Variants in RNF17 observed in about 807,000 individuals in gnomAD.
RNF17 encodes spermatogenesis associated 23.
RNF17 carries 31 observed loss-of-function variants against 200.5 expected under a neutral mutation model. That is an observed-to-expected ratio of 0.15 (90% CI 0.12 to 0.21). RNF17 has a LOEUF of 0.21. Among genes scored for constraint, RNF17 ranks in the 10% least tolerant of loss-of-function variants. The pLI is 1.00. For synonymous variants in RNF17, 606 were observed against 637.8 expected (o/e 0.95, Z 0.75); for missense variants, 1,628 against 1,905.1 (o/e 0.85, Z 2.71).
chr13:24,779,535 CT>C, intron 4 of RNF17, 131 bp from the exon 5 acceptor site: 1 of 567,478 alleles, frequency 1.8e-6, no homozygotes, highest in Non-Finnish European at 3.1e-6. Flanking sequence ...CTTGTTTTCA[CT>C]TTTCTGTAGT....
intron 15 of RNF17, among the ~76,000 whole-genome samples, chr13:24,823,150 T>A (rs944692279): frequency 3.3e-5 from 5 of 152,220 alleles, no homozygotes; most frequent in African/African-American, 1.2e-4. Context: ...GTCAGCTCCC[T>A]GCAACCTCCA....
At chr13:24,860,985 C>T in intron 26 of RNF17, among the ~76,000 whole-genome samples, 1 of 151,924 alleles carries the variant, frequency 6.6e-6, no homozygotes, top group Admixed American at 6.6e-5. Flanking sequence ...TTAGGCAGTC[C>T]TCCCACCTCA....
At chr13:24,768,956 G>A (rs1274157769) in intron 2 of RNF17, among the ~76,000 whole-genome samples, 1 of 149,836 alleles carries the variant, frequency 6.7e-6, no homozygotes, top group African/African-American at 2.5e-5. Flanking sequence ...CATATTAGTA[G>A]CTGCCTATTT....
chr13:24,881,291 C>A (rs1953807741), downstream of RNF17, among the ~76,000 whole-genome samples: 1 of 152,012 alleles, frequency 6.6e-6, no homozygotes, highest in Admixed American at 6.6e-5. Flanking sequence ...CAGGCATGCA[C>A]CACCACACCT....
chr13:24,881,619 A>C (rs1953819826), downstream of RNF17, among the ~76,000 whole-genome samples: 2 of 151,348 alleles, frequency 1.3e-5, no homozygotes, highest in Non-Finnish European at 2.9e-5. Flanking sequence ...TTACATAGCT[A>C]TCTATAATCT....
At chr13:24,867,327 T>C (rs538870896) in intron 30 of RNF17, among the ~76,000 whole-genome samples, 1 of 152,350 alleles carries the variant, frequency 6.6e-6, no homozygotes, top group African/African-American at 2.4e-5. Context: ...CATCCAGCTT[T>C]CTTTTCACTT....
chr13:24,883,352 A>C (rs1566275265), downstream of RNF17: 1 of 1,608,456 alleles, frequency 6.2e-7, no homozygotes, highest in East Asian at 2.2e-5. Flanking sequence ...ATTAAACTCT[A>C]TGAGTTTGTT....
chr13:24,851,738 T>C (rs1338478770), intron 24 of RNF17, among the ~76,000 whole-genome samples, 167 bp downstream of exon 24: 2 of 152,224 alleles, frequency 1.3e-5, no homozygotes, highest in African/African-American at 2.4e-5. Flanking sequence ...TCAGAATTGC[T>C]CATTTCATTT....
chr13:24,826,572 G>A (rs923089381), intron 16 of RNF17, among the ~76,000 whole-genome samples: 29 of 152,110 alleles, frequency 1.9e-4, no homozygotes, highest in African/African-American at 6.8e-4. Flanking sequence ...CCAAGAGTTC[G>A]AGACCAGCCT....
Position 24,879,887 on chromosome 13 carries a change from T to TG in RNF17, c.*165dup, listed in dbSNP as rs778086668. ...TTTAATTGAACTGTTAGGAATTGTG[T>TG]GGGGAAAAAAAGTAAATAAATGTTC... is the stretch of plus-strand genomic sequence containing the variant. On this transcript the variant is annotated 3_prime_UTR_variant, in exon 36 of 36. Transcript: ENST00000255324. The TG allele has an allele frequency of 2.0e-5, 3 of 152,176 alleles. No individual in the cohort carries two copies. Among genetic ancestry groups the TG allele is most frequent in the Non-Finnish European group, 4.4e-5 (3 of 68,018 alleles). 9.4% of individuals were successfully genotyped at this position (152,176 alleles called of 1,614,324 possible). A position where few individuals can be genotyped will look rare whatever the true frequency, so the allele number is the denominator to read the frequency against.
rs1362396769 is a variant in RNF17 at position 24,806,978 on chromosome 13, T to C, written c.2091+2549T>C. On this transcript the variant is annotated intron_variant, in intron 15 of 35. Coordinates refer to ENST00000255324, the MANE Select transcript of RNF17 (RefSeq NM_031277.3). Reference sequence around the variant, plus strand: ...CCATGTCCCTACAAAGGACATGAACTCATCATTTTTTATGGCTGCATAGTA... The same window carrying C: ...CCATGTCCCTACAAAGGACATGAACCCATCATTTTTTATGGCTGCATAGTA... Among the ~76,000 whole-genome samples the C allele has an allele frequency of 2.6e-5, 4 of 151,996 alleles. No homozygotes were observed. The South Asian group carries it at 8.3e-4, about 32-fold the overall frequency.
intron 6 of RNF17, among the ~76,000 whole-genome samples, chr13:24,784,023 T>G (rs1179648589): frequency 6.6e-6 from 1 of 152,208 alleles, no homozygotes; most frequent in Non-Finnish European, 1.5e-5. Flanking sequence ...ATATAGGGTC[T>G]TTATTATAGT....
the RNF17 span, among the ~76,000 whole-genome samples, chr13:24,748,134 C>A: frequency 1.1e-5 from 1 of 92,070 alleles, no homozygotes; most frequent in African/African-American, 3.4e-5. Context: ...AGGCAGGAAG[C>A]GAGGGTCAGG....
rs1895165104 is a variant in RNF17 at position 24,879,102 on chromosome 13, AC to A, written c.4774-84del. On this transcript the variant is annotated intron_variant, in intron 34 of 35. Transcript: ENST00000255324. ...AATAGGCCCCTGAGAACACCTTTTCACACCCGTGTGAATGGCCAGATATGAG... is the reference window on the plus strand; with the variant it reads ...AATAGGCCCCTGAGAACACCTTTTCAACCCGTGTGAATGGCCAGATATGAG... 6.1e-6 allele frequency: 6 copies of A among 975,994 alleles called. No homozygotes were observed. In the South Asian group the frequency reaches 8.4e-5, roughly 14 times the overall value. The allele number at this position is 975,994 out of a possible 1,614,324, so 60.5% of individuals were successfully genotyped here.
intron 24 of RNF17, among the ~76,000 whole-genome samples, 170 bp from the exon 25 acceptor site, chr13:24,853,685 C>T (rs559788256): frequency 6.6e-6 from 1 of 152,186 alleles, no homozygotes; most frequent in South Asian, 2.1e-4. Context: ...TCTCATCAGT[C>T]TCATAATTTA....
chr13:24,864,812 C>T, intron 28 of RNF17, 61 bp from the exon 29 acceptor site: 1 of 1,208,828 alleles, frequency 8.3e-7, no homozygotes, highest in South Asian at 1.3e-5. Flanking sequence ...TATTTGCTGA[C>T]TATAAAAATG....
At chr13:24,799,279 T>A in intron 11 of RNF17, 116 bp from the exon 12 acceptor site, 1 of 762,874 alleles carries the variant, frequency 1.3e-6, no homozygotes, top group East Asian at 2.5e-5. Flanking sequence ...CAGTGCTATA[T>A]CATCATTAAA....
In RNF17 at chr13:24,866,134, AT is replaced by A. The variant is rs1893602012; in HGVS notation, c.4102-8del. 1.4e-6 allele frequency: 2 copies of A among 1,442,076 alleles called. No homozygotes were observed. Among genetic ancestry groups the A allele is most frequent in the Non-Finnish European group, 1.9e-6 (2 of 1,029,014 alleles). The allele number at this position is 1,442,076 out of a possible 1,614,324, so 89.3% of individuals were successfully genotyped here. A position where few individuals can be genotyped will look rare whatever the true frequency, so the allele number is the denominator to read the frequency against. On this transcript the variant is annotated splice_polypyrimidine_tract_variant and intron_variant, in intron 29 of 35. Transcript: ENST00000255324. ...TAAAGGTGATTTTACTCAATACCAT[AT>A]TATTTCAGAAACCAAGATCAGATCA...
chr13:24,841,839 G>A (rs1181712326), intron 18 of RNF17, among the ~76,000 whole-genome samples: 1 of 151,984 alleles, frequency 6.6e-6, no homozygotes, highest in Admixed American at 6.6e-5. Flanking sequence ...GCGCGACAGT[G>A]TCTGTAGTCC....
Sources: gnomAD v4.1 joint callset for allele counts (sites outside exome capture counted in the v4.1 genomes callset) on GRCh38, gnomAD v4.1.1 for gene constraint, MANE v1.5 for transcripts, NCBI Gene and HGNC (gene_info 2026-07-23, HGNC 2026-07-21) for gene names.